Variants in TIMM23 observed in about 807,000 individuals in gnomAD.
TIMM23 encodes the protein mitochondrial import inner membrane translocase subunit Tim23.
A neutral mutation model predicts 30.7 loss-of-function variants in TIMM23; 19 were observed. The observed-to-expected ratio is 0.62, with a 90% CI of 0.43 to 0.91. The LOEUF is 0.91. TIMM23 is among the 40% of genes least tolerant of loss of function. The pLI, the probability that TIMM23 is intolerant of heterozygous loss-of-function variation, is 0.00. For synonymous variants in TIMM23, 78 were observed against 98.5 expected (o/e 0.79, Z 1.23); for missense variants, 202 against 269.2 (o/e 0.75, Z 1.75).
chr10:45,982,984 G>A (rs1229204813), intron 4 of TIMM23, 54 bp downstream of exon 4: 186 of 1,611,538 alleles, frequency 1.2e-4, no homozygotes, highest in Admixed American at 1.7e-4. Flanking sequence ...AAGCTCTGTT[G>A]TATTGGTTTG....
Position 45,972,690 on chromosome 10 carries a change from C to G in TIMM23, c.66C>G (p.Gly22=). ...TGGLAGFFGA[G]GAGYSHADLA... ...GATTGGCCGGCTTTTTCGGAGCCGG[C>G]GGAGCAGGTTACTCGCACGCGGATT... Residue 22 remains glycine, a synonymous_variant, in exon 1 of 7, where the codon GGC becomes GGG. Transcript: ENST00000580018. 6.2e-7 allele frequency: 1 copy of G among 1,613,970 alleles called. No homozygotes were observed. Among genetic ancestry groups the G allele is most frequent in the Non-Finnish European group, 8.5e-7 (1 of 1,179,858 alleles).
Position 45,982,853 on chromosome 10 carries a change from G to A in TIMM23, c.267G>A (p.Ala89=), listed in dbSNP as rs1277883267. Residue 89 remains alanine, a synonymous_variant, in exon 4 of 7, where the codon GCG becomes GCA. Transcript: ENST00000580018. Reference sequence around the variant, plus strand: ...ATTGTTATGATTTACCAGGGGCTGCGTTTGGTGCAATGAATGGTCTTCGGC... The same window carrying A: ...ATTGTTATGATTTACCAGGGGCTGCATTTGGTGCAATGAATGGTCTTCGGC... ...TIGGCCMTGA[A]FGAMNGLRLG... 44 of 1,613,814 alleles carry A rather than the reference G, an allele frequency of 2.7e-5. No homozygotes were observed. Among genetic ancestry groups the A allele is most frequent in the East Asian group, 4.5e-5 (2 of 44,876 alleles).
intron 6 of TIMM23, among the ~76,000 whole-genome samples, chr10:45,999,203 C>T (rs1413956542): frequency 6.6e-6 from 1 of 151,990 alleles, no homozygotes; most frequent in Non-Finnish European, 1.5e-5. Flanking sequence ...TACAGTGGCA[C>T]GATCTTGGCT....
chr10:45,989,890 C>T (rs1838104027), intron 6 of TIMM23, among the ~76,000 whole-genome samples: 1 of 152,252 alleles, frequency 6.6e-6, no homozygotes, highest in Admixed American at 6.5e-5. Flanking sequence ...TGTGTTGATA[C>T]ATCTTTGGCT....
At chr10:45,990,068 T>C (rs868970786) in intron 6 of TIMM23, among the ~76,000 whole-genome samples, 2 of 152,088 alleles carry the variant, frequency 1.3e-5, no homozygotes, top group African/African-American at 2.4e-5. Flanking sequence ...TGTGCAACAG[T>C]GTTCTATACG....
intron 4 of TIMM23, among the ~76,000 whole-genome samples, chr10:45,984,983 G>C (rs1837953866): frequency 6.6e-6 from 1 of 152,044 alleles, no homozygotes; most frequent in African/African-American, 2.4e-5. Flanking sequence ...CCTTTTAGAA[G>C]CTAGCTCGCC....
At chr10:45,996,414 C>T (rs1248812671) in intron 6 of TIMM23, among the ~76,000 whole-genome samples, 2 of 149,708 alleles carry the variant, frequency 1.3e-5, no homozygotes, top group African/African-American at 2.6e-5. Flanking sequence ...AGCTGTATGA[C>T]CTTTTGAAAA....
chr10:46,002,551 C>A, intron 6 of TIMM23: 1 of 960,570 alleles, frequency 1.0e-6, no homozygotes, highest in Non-Finnish European at 1.2e-6. Context: ...AGGGTGTCAC[C>A]TTGTTTACAT....
rs1838413908 is a variant in TIMM23, at chr10:45,998,441, A to G, written c.515-4762A>G. On this transcript the variant is annotated intron_variant, in intron 6 of 6. Transcript: ENST00000580018. ...TATTTGCTTTGCTTTATAGAGATTG[A>G]CCATTGGCCTTATTTGGTTACTCTG... The G allele has an allele frequency of 4.2e-6, 4 of 963,602 alleles. No homozygotes were observed. The East Asian group carries it at 3.4e-4, about 83-fold the overall frequency. 59.7% of individuals were successfully genotyped at this position (963,602 alleles called of 1,614,324 possible). A position where few individuals can be genotyped will look rare whatever the true frequency, so the allele number is the denominator to read the frequency against.
rs1261595453 is a variant in TIMM23 at position 45,980,992 on chromosome 10, T to G, written c.166-1531T>G. Among the ~76,000 whole-genome samples the G allele has an allele frequency of 2.1e-3, 307 of 143,256 alleles. 4 individuals are homozygous for G. The highest frequency in any genetic ancestry group is 7.6e-3 in the African/African-American group (292 of 38,480). 94.0% of individuals were successfully genotyped at this position (143,256 alleles called of 152,430 possible). On this transcript the variant is annotated intron_variant, in intron 2 of 6. Coordinates refer to ENST00000580018, the MANE Select transcript of TIMM23 (RefSeq NM_006327.4). Reference sequence around the variant, plus strand: ...TCTCGCTCTGTCACCCAGGCTGGAGTGCAGTGGCGTGATCTCAGCTCACTG... The same window carrying G: ...TCTCGCTCTGTCACCCAGGCTGGAGGGCAGTGGCGTGATCTCAGCTCACTG...
chr10:45,984,638 A>C lies in TIMM23; in HGVS notation c.345-745A>C, dbSNP rs1286293830. On this transcript the variant is annotated intron_variant, in intron 4 of 6. Transcript: ENST00000580018. ...AGCAGTAGTCAGCTGTCTGGACAGA[A>C]CCATTCCTGGGATCATGTTACACTG... is the stretch of plus-strand genomic sequence containing the variant. 4.3e-3 allele frequency: 884 copies of C among 204,894 alleles called. 7 individuals are homozygous for C. Among genetic ancestry groups the C allele is most frequent in the East Asian group, 0.017 (128 of 7,718 alleles). 12.7% of individuals were successfully genotyped at this position (204,894 alleles called of 1,614,324 possible). A position where few individuals can be genotyped will look rare whatever the true frequency, so the allele number is the denominator to read the frequency against.
Position 45,972,563 on chromosome 10 carries a change from C to CG in TIMM23, c.-60dup. ...GTTACCCGCTGTTATTGAGGAGTAA[C>CG]GGCCCAGCGGACCACCCAGGCTTGA... On this transcript the variant is annotated 5_prime_UTR_variant, in exon 1 of 7. Transcript: ENST00000580018. The CG allele has an allele frequency of 6.4e-7, 1 of 1,565,472 alleles. No individual in the cohort carries two copies. The highest frequency in any genetic ancestry group is 1.9e-5 in the Admixed American group (1 of 52,332).
In TIMM23 at chr10:45,985,080, A is replaced by G. The variant is rs1468403717; in HGVS notation, c.345-303A>G. Among the ~76,000 whole-genome samples the G allele has an allele frequency of 3.1e-4, 47 of 152,102 alleles. No homozygotes were observed. The East Asian group carries it at 7.7e-3, about 25-fold the overall frequency. The stretch of plus-strand genomic sequence containing the variant: ...CAGGCTGTCATTCAAAGCCTTATAT[A>G]TATTTAATGTGTATTCATTATATTA... On this transcript the variant is annotated intron_variant, in intron 4 of 6. Transcript: ENST00000580018.
In TIMM23 at chr10:45,980,730, T is replaced by C. The variant is rs1437509323; in HGVS notation, c.166-1793T>C. Among the ~76,000 whole-genome samples the C allele has an allele frequency of 2.0e-5, 3 of 152,150 alleles. No individual in the cohort carries two copies. In the East Asian group the frequency reaches 5.8e-4, roughly 29 times the overall value. ...TCCTGGAGTGTCAGCAGAACAGGTTTAACAAGAGGTTTTTAGTAAATCTTC... is the reference window on the plus strand; with the variant it reads ...TCCTGGAGTGTCAGCAGAACAGGTTCAACAAGAGGTTTTTAGTAAATCTTC... On this transcript the variant is annotated intron_variant, in intron 2 of 6. Transcript: ENST00000580018.
intron 6 of TIMM23, chr10:45,998,417 A>G: frequency 1.0e-6 from 1 of 984,596 alleles, no homozygotes; most frequent in East Asian, 1.1e-4. Flanking sequence ...CACAAGTCAT[A>G]TTTGCTTTGC....
intron 1 of TIMM23, among the ~76,000 whole-genome samples, chr10:45,973,610 T>A (rs1264650497): frequency 6.6e-6 from 1 of 152,222 alleles, no homozygotes; most frequent in Non-Finnish European, 1.5e-5. Flanking sequence ...GTCAAAAAAC[T>A]GAATCTACAA....
intron 2 of TIMM23, among the ~76,000 whole-genome samples, chr10:45,979,388 C>A (rs1320689075): frequency 6.6e-6 from 1 of 152,180 alleles, no homozygotes; most frequent in Non-Finnish European, 1.5e-5. Context: ...CCTCAAACTC[C>A]TAGGCTCAAG....
chr10:45,980,981 C>T (rs1837826809), intron 2 of TIMM23, among the ~76,000 whole-genome samples: 1 of 144,890 alleles, frequency 6.9e-6, no homozygotes, highest in Non-Finnish European at 1.5e-5. Context: ...GCTCTGTCAC[C>T]CAGGCTGGAG....
At chr10:45,973,066 A>G (rs1837543768) in intron 1 of TIMM23, among the ~76,000 whole-genome samples, 1 of 152,164 alleles carries the variant, frequency 6.6e-6, no homozygotes, top group South Asian at 2.1e-4. Flanking sequence ...CTTTGGGAGT[A>G]AATGTATTCC....
Sources: allele counts gnomAD v4.1 joint callset (sites outside exome capture counted in the v4.1 genomes callset), GRCh38; gene constraint gnomAD v4.1.1; transcripts MANE v1.5; gene names NCBI Gene and HGNC (gene_info 2026-07-23, HGNC 2026-07-21).